The following KCNQ1 variants were observed in gnomAD, a reference collection of about 807,000 sequenced individuals.
The protein encoded by KCNQ1 is potassium voltage-gated channel subfamily Q member 1.
KCNQ1 carries 49 observed loss-of-function variants against 72.4 expected under a neutral mutation model. The ratio of observed to expected loss-of-function variants is 0.68; its 90% CI spans 0.54 to 0.86. The LOEUF (loss-of-function observed/expected upper bound fraction) is 0.86. KCNQ1 is among the 40% of genes least tolerant of loss of function. The probability of loss-of-function intolerance (pLI) is 0.00; values close to 1 mark genes in which losing one functional copy is unlikely to be tolerated. For synonymous variants in KCNQ1, 450 were observed against 412.6 expected (o/e 1.09, Z -1.10); for missense variants, 790 against 945.1 (o/e 0.84, Z 2.15).
At chr11:2,804,088 A>G (rs1182093137) in intron 15 of KCNQ1, among the ~76,000 whole-genome samples, 1 of 152,114 alleles carries the variant, frequency 6.6e-6, no homozygotes, top group Non-Finnish European at 1.5e-5. Flanking sequence ...TTTCTTAGGA[A>G]GTGCTGCAGG....
intron 3 of KCNQ1, 133 bp from the exon 4 acceptor site, chr11:2,571,192 A>G (rs1475877484): frequency 1.2e-5 from 9 of 765,976 alleles, no homozygotes; most frequent in Non-Finnish European, 2.1e-5. Context: ...AGGTGTCTCC[A>G]TGTCCCCGGT....
Position 2,595,270 on chromosome 11 carries a change from G to T in KCNQ1, c.1393+6416G>T, listed in dbSNP as rs758807778. Among the ~76,000 whole-genome samples the T allele has an allele frequency of 2.6e-5, 4 of 152,148 alleles. No individual in the cohort carries two copies. Among genetic ancestry groups the T allele is most frequent in the Non-Finnish European group, 5.9e-5 (4 of 68,022 alleles). Reference sequence around the variant, plus strand: ...AAGATGACCACTATGACTAATATATGAGTTTAGTAAGGTGGCAGATACAAG... The same window carrying T: ...AAGATGACCACTATGACTAATATATTAGTTTAGTAAGGTGGCAGATACAAG... On this transcript the variant is annotated intron_variant, in intron 10 of 15. Coordinates refer to ENST00000155840, the MANE Select transcript of KCNQ1 (RefSeq NM_000218.3). This position sits in a 1 kb window ranked among gnomAD's most constrained non-coding sequence, Gnocchi z 5.0.
intron 10 of KCNQ1, chr11:2,630,654 C>T (rs941872312): frequency 1.8e-5 from 7 of 397,960 alleles, no homozygotes; most frequent in Admixed American, 4.4e-5. Flanking sequence ...TTAAGTTGCC[C>T]GTATATTTAT....
At chr11:2,574,972 G>A (rs906417660) in intron 6 of KCNQ1, among the ~76,000 whole-genome samples, 8 of 152,214 alleles carry the variant, frequency 5.3e-5, no homozygotes, top group African/African-American at 1.9e-4. Flanking sequence ...CGTGCTCGGG[G>A]GATGGACGGC....
In KCNQ1 at chr11:2,710,601, A is replaced by G. The variant is rs1278207746; in HGVS notation, c.1514+48520A>G. Reference sequence around the variant, plus strand: ...CCCTATATTTTCTTCCAAGAATTTTATAGTTTTGGCTCTTACACTTAGGTC... The same window carrying G: ...CCCTATATTTTCTTCCAAGAATTTTGTAGTTTTGGCTCTTACACTTAGGTC... On this transcript the variant is annotated intron_variant, in intron 11 of 15. Coordinates refer to ENST00000155840, the MANE Select transcript of KCNQ1 (RefSeq NM_000218.3). The surrounding 1 kb of genome is among the most constrained non-coding windows in gnomAD (Gnocchi z 4.1). Among the ~76,000 whole-genome samples the G allele has an allele frequency of 6.6e-6, 1 of 152,206 alleles. No homozygotes were observed. Among genetic ancestry groups the G allele is most frequent in the East Asian group, 1.9e-4 (1 of 5,196 alleles).
chr11:2,804,600 T>C (rs181747805), intron 15 of KCNQ1, among the ~76,000 whole-genome samples: 70 of 152,334 alleles, frequency 4.6e-4, no homozygotes, highest in African/African-American at 1.7e-3. Context: ...AGGGCTCATA[T>C]AGAAGCATAA....
chr11:2,449,663 G>C (rs986681428), intron 1 of KCNQ1, among the ~76,000 whole-genome samples: 1 of 152,214 alleles, frequency 6.6e-6, no homozygotes, highest in Non-Finnish European at 1.5e-5. Context: ...AGTGCCTTTG[G>C]GGGCAGCTGA....
Position 2,674,494 on chromosome 11 carries a change from T to G in KCNQ1, c.1514+12413T>G. ...GTCGAGATGTGTAAGATGGCCCCAG[T>G]GTTACTAGGCACTAGATGGCACTTG... On this transcript the variant is annotated intron_variant, in intron 11 of 15. Transcript: ENST00000155840. This position sits in a 1 kb window ranked among gnomAD's most constrained non-coding sequence, Gnocchi z 5.9. 2.5e-6 allele frequency: 1 copy of G among 398,510 alleles called. No homozygotes were observed. The highest frequency in any genetic ancestry group is 4.4e-6 in the Non-Finnish European group (1 of 226,064). The allele number at this position is 398,510 out of a possible 1,614,324, so 24.7% of individuals were successfully genotyped here. A position where few individuals can be genotyped will look rare whatever the true frequency, so the allele number is the denominator to read the frequency against.
At position 2,764,264 on chromosome 11, in the gene KCNQ1, A is replaced by T. The variant is rs903256666; in HGVS notation, c.1515-4580A>T. On this transcript the variant is annotated intron_variant, in intron 11 of 15. Coordinates refer to ENST00000155840, the MANE Select transcript of KCNQ1 (RefSeq NM_000218.3). The surrounding 1 kb of genome is among the most constrained non-coding windows in gnomAD (Gnocchi z 4.8). Reference sequence around the variant, plus strand: ...CTGAGAGTTGTGTTTTTAATTATGAACAGGTCTCGCTTTATCAAATGCTTT... The same window carrying T: ...CTGAGAGTTGTGTTTTTAATTATGATCAGGTCTCGCTTTATCAAATGCTTT... Among the ~76,000 whole-genome samples the T allele has an allele frequency of 5.9e-5, 9 of 151,842 alleles. No homozygotes were observed. Among genetic ancestry groups the T allele is most frequent in the African/African-American group, 2.2e-4 (9 of 41,428 alleles).
intron 15 of KCNQ1, among the ~76,000 whole-genome samples, chr11:2,837,964 T>C (rs1344838521): frequency 6.6e-6 from 1 of 152,162 alleles, no homozygotes; most frequent in Non-Finnish European, 1.5e-5. Context: ...GCCGGTGCTT[T>C]CTCTGTCTGC....
At chr11:2,838,941 G>A (rs1028822585) in intron 15 of KCNQ1, among the ~76,000 whole-genome samples, 1 of 152,160 alleles carries the variant, frequency 6.6e-6, no homozygotes, top group South Asian at 2.1e-4. Context: ...CCCCCAGCCT[G>A]CCCGACGTTC....
rs1008905105 is a variant in KCNQ1, at chr11:2,497,381, T to C, written c.387-30547T>C. ...GTTCGTTCTTTTTCATCATTTTTTC[T>C]CTAATCTTGTCTGCATGCCTTATTT... On this transcript the variant is annotated intron_variant, in intron 1 of 15. Coordinates refer to ENST00000155840, the MANE Select transcript of KCNQ1 (RefSeq NM_000218.3). This position sits in a 1 kb window ranked among gnomAD's most constrained non-coding sequence, Gnocchi z 4.5. Among the ~76,000 whole-genome samples, 1 of 152,238 alleles carries C rather than the reference T, an allele frequency of 6.6e-6. No homozygotes were observed. Among genetic ancestry groups the C allele is most frequent in the African/African-American group, 2.4e-5 (1 of 41,470 alleles).
chr11:2,674,224 G>C lies in KCNQ1; in HGVS notation c.1514+12143G>C. 2.5e-6 allele frequency: 1 copy of C among 398,744 alleles called. No individual in the cohort carries two copies. Among genetic ancestry groups the C allele is most frequent in the Admixed American group, 4.4e-5 (1 of 22,742 alleles). The allele number at this position is 398,744 out of a possible 1,614,324, so 24.7% of individuals were successfully genotyped here. ...AGTTGTGGGTTTTTCTTGGGGCCCA[G>C]ATAGATGTGAGCAGAGCTGGAGGCC... On this transcript the variant is annotated intron_variant, in intron 11 of 15. Transcript: ENST00000155840. The surrounding 1 kb of genome is among the most constrained non-coding windows in gnomAD (Gnocchi z 5.9).
Position 2,608,306 on chromosome 11 carries a change from T to C in KCNQ1, c.1393+19452T>C. 2.5e-6 allele frequency: 1 copy of C among 398,370 alleles called. No individual in the cohort carries two copies. The highest frequency in any genetic ancestry group is 3.6e-5 in the East Asian group (1 of 28,030). The allele number at this position is 398,370 out of a possible 1,614,324, so 24.7% of individuals were successfully genotyped here. ...ATCTCTTTAACTTATTACAGATCCA[T>C]TCACATTTTCTACTTATTTCTTAGT... On this transcript the variant is annotated intron_variant, in intron 10 of 15. Coordinates refer to ENST00000155840, the MANE Select transcript of KCNQ1 (RefSeq NM_000218.3). This position sits in a 1 kb window ranked among gnomAD's most constrained non-coding sequence, Gnocchi z 4.6.
chr11:2,644,650 G>A, intron 10 of KCNQ1: 1 of 398,548 alleles, frequency 2.5e-6, no homozygotes, highest in Non-Finnish European at 4.4e-6. Flanking sequence ...ACTGGTATCT[G>A]CACATCTGGT....
intron 10 of KCNQ1, chr11:2,614,508 C>T: frequency 2.5e-6 from 1 of 398,302 alleles, no homozygotes; most frequent in Non-Finnish European, 4.4e-6. Flanking sequence ...AAATTTATGC[C>T]TTTAACTCTT....
In KCNQ1 at chr11:2,593,042, C is replaced by G. The variant is rs1451647452; in HGVS notation, c.1393+4188C>G. On this transcript the variant is annotated intron_variant, in intron 10 of 15. Transcript: ENST00000155840. This position sits in a 1 kb window ranked among gnomAD's most constrained non-coding sequence, Gnocchi z 6.9. ...ACTCCAGTTGTCTCCACAGCCAGGTCACCATTGACCAGGTTGTCCAGTCCC... is the reference window on the plus strand; with the variant it reads ...ACTCCAGTTGTCTCCACAGCCAGGTGACCATTGACCAGGTTGTCCAGTCCC... Among the ~76,000 whole-genome samples the G allele has an allele frequency of 6.6e-6, 1 of 152,236 alleles. No individual in the cohort carries two copies. Among genetic ancestry groups the G allele is most frequent in the Non-Finnish European group, 1.5e-5 (1 of 68,038 alleles).
intron 10 of KCNQ1, chr11:2,650,715 G>A (rs1849743812): frequency 2.5e-6 from 1 of 398,562 alleles, no homozygotes; most frequent in Non-Finnish European, 4.4e-6. Context: ...GCTGGGCAGG[G>A]GACTAGAATG....
At position 2,828,310 on chromosome 11, in the gene KCNQ1, C is replaced by T. The variant is rs935871785; in HGVS notation, c.1795-19457C>T. Among the ~76,000 whole-genome samples, 2 of 152,178 alleles carry T rather than the reference C, an allele frequency of 1.3e-5. No individual in the cohort carries two copies. Among genetic ancestry groups the T allele is most frequent in the African/African-American group, 2.4e-5 (1 of 41,444 alleles). The stretch of plus-strand genomic sequence containing the variant: ...GCCAGAGCTGAAAGCACTGGTTAAA[C>T]GTGATGGGTAAACACATGTCTATTT... On this transcript the variant is annotated intron_variant, in intron 15 of 15. Coordinates refer to ENST00000155840, the MANE Select transcript of KCNQ1 (RefSeq NM_000218.3). This position sits in a 1 kb window ranked among gnomAD's most constrained non-coding sequence, Gnocchi z 5.3.
Sources: allele counts gnomAD v4.1 joint callset (sites outside exome capture counted in the v4.1 genomes callset), GRCh38; gene constraint gnomAD v4.1.1; non-coding constraint Gnocchi (gnomAD v3.1); transcripts MANE v1.5; gene names NCBI Gene and HGNC (gene_info 2026-07-23, HGNC 2026-07-21).